PPL: variants seen among roughly 807,000 people sequenced by gnomAD.
The protein encoded by PPL is 190 kDa paraneoplastic pemphigus antigen.
Under a neutral mutation model 194.4 loss-of-function variants are expected in PPL, and 198 were observed. The ratio of observed to expected loss-of-function variants is 1.02; its 90% CI spans 0.91 to 1.15. PPL has a LOEUF of 1.15. Ranked by LOEUF, PPL falls within the 50% of genes most tolerant of loss-of-function variation. PPL has a pLI of 0.00. For missense variants in PPL, 2,885 were observed against 2,294.8 expected (o/e 1.26, Z -5.25); for synonymous variants, 1,220 against 972.4 (o/e 1.25, Z -4.74).
chr16:4,913,233 C>T (rs2088855005), intron 1 of PPL, among the ~76,000 whole-genome samples: 1 of 152,192 alleles, frequency 6.6e-6, no homozygotes, highest in African/African-American at 2.4e-5. Flanking sequence ...ACAGACCACT[C>T]TGGAAAATGC....
intron 2 of PPL, among the ~76,000 whole-genome samples, chr16:4,907,305 A>ATC (rs1246346567): frequency 2.2e-4 from 24 of 109,184 alleles, no homozygotes; most frequent in African/African-American, 7.4e-4. Context: ...GATATATCTA[A>ATC]TCTCACACAC....
In PPL at chr16:4,884,428, C is replaced by T; in HGVS notation, c.4227G>A (p.Glu1409=). The T allele has an allele frequency of 6.2e-7, 1 of 1,603,750 alleles. No homozygotes were observed. The highest frequency in any genetic ancestry group is 8.5e-7 in the Non-Finnish European group (1 of 1,177,524). The change falls in exon 22 of 22, where the codon GAG becomes GAA. Residue 1409 remains glutamate, a synonymous_variant. Coordinates refer to ENST00000345988, the MANE Select transcript of PPL (RefSeq NM_002705.5). This position sits in a 1 kb window ranked among gnomAD's most constrained non-coding sequence, Gnocchi z 5.7. The part of the protein sequence containing the change: ...LERQLEELER[E]RQARREAERE... The stretch of plus-strand genomic sequence containing the variant: ...GCTCGGCCTCCCTGCGGGCCTGCCG[C>T]TCGCGCTCTAGCTCCTCCAGCTGCC...
rs57191109 is a variant in PPL, at chr16:4,897,332, CAAAAAAAAAAAA to C, written c.972+331_972+342del. Among the ~76,000 whole-genome samples the C allele has an allele frequency of 2.4e-4, 13 of 53,428 alleles. 1 individual carries two copies. In the South Asian group the frequency reaches 4.0e-3, roughly 17 times the overall value. The allele number at this position is 53,428 out of a possible 152,430, so 35.1% of individuals were successfully genotyped here. A position where few individuals can be genotyped will look rare whatever the true frequency, so the allele number is the denominator to read the frequency against. ...CCTGGGTGACAGGGCAAGACTCTCT[CAAAAAAAAAAAA>C]AAAAAAAAAAAAGGCAAATTTTGTT... On this transcript the variant is annotated intron_variant, in intron 9 of 21. Coordinates refer to ENST00000345988, the MANE Select transcript of PPL (RefSeq NM_002705.5).
At chr16:4,889,250 T>TTTTTTTTTTTTTTTTTTTGTTGG (rs2088276341) in intron 18 of PPL, among the ~76,000 whole-genome samples, 189 bp from the exon 19 acceptor site, 1 of 103,770 alleles carries the variant, frequency 9.6e-6, no homozygotes, top group Non-Finnish European at 1.9e-5. Context: ...TGTTTTTTTT[T>TTTTTTTTTTTTTTTTTTTGTTGG]TTTTTTTTTT....
At chr16:4,914,685 T>C (rs976924488) in intron 1 of PPL, among the ~76,000 whole-genome samples, 3 of 152,184 alleles carry the variant, frequency 2.0e-5, no homozygotes, top group Non-Finnish European at 4.4e-5. Context: ...ATCCTTGATA[T>C]GTTCATGAGC....
At chr16:4,904,599 G>A (rs984064875) in intron 2 of PPL, among the ~76,000 whole-genome samples, 1 of 152,234 alleles carries the variant, frequency 6.6e-6, no homozygotes, top group Non-Finnish European at 1.5e-5. Flanking sequence ...AACAGCCTGT[G>A]CAAAGGTCCT....
chr16:4,904,030 C>T lies in PPL; in HGVS notation c.173G>A (p.Arg58Gln), dbSNP rs199997451. The change falls in exon 3 of 22, where the codon CGG (arginine) becomes CAG (glutamine). Residue 58 changes from arginine (R) to glutamine (Q), a missense_variant. Coordinates refer to ENST00000345988, the MANE Select transcript of PPL (RefSeq NM_002705.5). ...TEAKMQSDLARLQEGRQPEHR... is the reference protein window; with the variant it reads ...TEAKMQSDLAQLQEGRQPEHR... ...CTCAGGCTGCCGACCCTCCTGCAGC[C>T]GAGCCAGGTCCTGTGAGGGTCACAA... The T allele has an allele frequency of 5.7e-5, 92 of 1,611,594 alleles. 1 individual carries two copies. Among genetic ancestry groups the T allele is most frequent in the Non-Finnish European group, 7.1e-5 (84 of 1,179,804 alleles).
intron 18 of PPL, among the ~76,000 whole-genome samples, chr16:4,889,425 T>G (rs2088280767): frequency 6.6e-6 from 1 of 151,478 alleles, no homozygotes; most frequent in Non-Finnish European, 1.5e-5. Flanking sequence ...CAGCTAATTT[T>G]TTTTTGTATT....
intron 11 of PPL, 107 bp from the exon 12 acceptor site, chr16:4,894,725 T>C: frequency 7.6e-7 from 1 of 1,323,390 alleles, no homozygotes; most frequent in Non-Finnish European, 1.0e-6. Context: ...CCCCGGCTCA[T>C]CACTTGGACC....
chr16:4,936,333 C>T (rs968079137), intron 1 of PPL, among the ~76,000 whole-genome samples: 4 of 152,164 alleles, frequency 2.6e-5, no homozygotes, highest in African/African-American at 9.7e-5. Flanking sequence ...CCCCCTGTGC[C>T]CCTCGACCCG....
At chr16:4,918,803 G>T (rs2088978614) in intron 1 of PPL, among the ~76,000 whole-genome samples, 1 of 152,188 alleles carries the variant, frequency 6.6e-6, no homozygotes, top group South Asian at 2.1e-4. Context: ...CCCTTGGAGA[G>T]CTATGGAGCC....
intron 18 of PPL, 28 bp from the exon 19 acceptor site, chr16:4,889,089 C>G: frequency 6.2e-7 from 1 of 1,601,742 alleles, no homozygotes; most frequent in Non-Finnish European, 8.5e-7. Context: ...AAAATCAAAA[C>G]TAACCAGAAA....
Position 4,900,989 on chromosome 16 carries a change from G to A in PPL, c.539C>T (p.Pro180Leu). 1 of 1,614,168 alleles carries A rather than the reference G, an allele frequency of 6.2e-7. No homozygotes were observed. Among genetic ancestry groups the A allele is most frequent in the East Asian group, 2.2e-5 (1 of 44,854 alleles). Residue 180 changes from proline (P) to leucine (L), a missense_variant, in exon 5 of 22, where the codon CCC becomes CTC. By Grantham distance (98) the Pro-to-Leu change is moderately conservative. Transcript: ENST00000345988. ...CTTGTCCCCGTCCTTGGCCAGGTGG[G>A]GCCCGATGGCCTTGACCTCATTGTG... is the stretch of plus-strand genomic sequence containing the variant. ...IFHNEVKAIG[P>L]HLAKDGDKEQ... is the part of the protein sequence containing the mutation.
intron 1 of PPL, among the ~76,000 whole-genome samples, chr16:4,926,850 G>A (rs1432731679): frequency 2.1e-5 from 3 of 143,140 alleles, no homozygotes; most frequent in East Asian, 4.0e-4. Context: ...CTGCACTCCA[G>A]CCTGGGCAAC....
intron 14 of PPL, 83 bp from the exon 15 acceptor site, chr16:4,892,296 C>G: frequency 2.8e-6 from 4 of 1,440,444 alleles, no homozygotes; most frequent in Non-Finnish European, 3.8e-6. Context: ...AGCACAGATT[C>G]CCACATCAGG....
intron 1 of PPL, among the ~76,000 whole-genome samples, chr16:4,911,581 C>T (rs1302784416): frequency 6.6e-6 from 1 of 152,214 alleles, no homozygotes; most frequent in Admixed American, 6.5e-5. Flanking sequence ...CTTGCCCAGG[C>T]TGGGGTGTAG....
chr16:4,889,241 G>GGTT (rs1442783436), intron 18 of PPL, among the ~76,000 whole-genome samples, 180 bp from the exon 19 acceptor site: 2,037 of 66,658 alleles, frequency 0.031, 167 homozygotes, highest in East Asian at 0.079. Context: ...TGTTGTTGTT[G>GGTT]TTTTTTTTTT....
intron 16 of PPL, 41 bp from the exon 17 acceptor site, chr16:4,890,962 G>C (rs966048616): frequency 6.8e-7 from 1 of 1,466,788 alleles, no homozygotes; most frequent in African/African-American, 1.4e-5. Flanking sequence ...TACGGCCAGA[G>C]CTCCCAGAGC....
Position 4,895,128 on chromosome 16 carries a change from G to A in PPL, c.1242+133C>T, listed in dbSNP as rs1247950936. On this transcript the variant is annotated intron_variant, in intron 11 of 21. Transcript: ENST00000345988. Reference sequence around the variant, plus strand: ...GGGTGCCAGTTGGCCTGCACCAGGGGAAGGGTTGGCAGAGTGACACCAACC... The same window carrying A: ...GGGTGCCAGTTGGCCTGCACCAGGGAAAGGGTTGGCAGAGTGACACCAACC... 7.6e-6 allele frequency: 9 copies of A among 1,181,236 alleles called. No homozygotes were observed. In the Admixed American group the frequency reaches 9.1e-5, roughly 12 times the overall value. 73.2% of individuals were successfully genotyped at this position (1,181,236 alleles called of 1,614,324 possible).
Sources: allele counts gnomAD v4.1 joint callset (sites outside exome capture counted in the v4.1 genomes callset), GRCh38; gene constraint gnomAD v4.1.1; non-coding constraint Gnocchi (gnomAD v3.1); transcripts MANE v1.5; gene names NCBI Gene and HGNC (gene_info 2026-07-23, HGNC 2026-07-21).